Variants in CFAP299 observed in about 807,000 individuals in gnomAD.
CFAP299 encodes the protein cilia and flagella associated protein 299.
CFAP299 carries 21 observed loss-of-function variants against 27.0 expected under a neutral mutation model. The observed-to-expected ratio is 0.78, with a 90% CI of 0.55 to 1.12. The LOEUF (loss-of-function observed/expected upper bound fraction) is 1.12, where lower values mean the gene tolerates loss of function less well. Ranked by LOEUF, CFAP299 falls within the 50% of genes most tolerant of loss-of-function variation. The pLI is 0.00. For synonymous variants in CFAP299, 104 were observed against 98.1 expected, an observed-to-expected ratio of 1.06 and a Z score of -0.36; for missense variants, 310 against 276.6, an observed-to-expected ratio of 1.12 and a Z score of -0.86.
At chr4:80,493,511 C>T (rs1444080792) in intron 2 of CFAP299, among the ~76,000 whole-genome samples, 1 of 151,990 alleles carries the variant, frequency 6.6e-6, no homozygotes, top group Admixed American at 6.6e-5. Flanking sequence ...AGCAGGTGAT[C>T]AGAATGAGTT....
rs564605970 is a variant in CFAP299 at position 80,343,758 on chromosome 4, C to T, written c.111+7879C>T. ...GAGCCGAGATTGCGCCACTGCAGTCCGCAGTCCGGTCCGGCCTGGGCGACA... is the reference window on the plus strand; with the variant it reads ...GAGCCGAGATTGCGCCACTGCAGTCTGCAGTCCGGTCCGGCCTGGGCGACA... On this transcript the variant is annotated intron_variant, in intron 1 of 5. Transcript: ENST00000358105. Among the ~76,000 whole-genome samples, 86 of 143,416 alleles carry T rather than the reference C, an allele frequency of 6.0e-4. 1 individual carries two copies. The highest frequency in any genetic ancestry group is 7.9e-3 in the Middle Eastern group (2 of 254). 94.1% of individuals were successfully genotyped at this position (143,416 alleles called of 152,430 possible). A position where few individuals can be genotyped will look rare whatever the true frequency, so the allele number is the denominator to read the frequency against.
chr4:80,913,668 G>C (rs999510315), intron 4 of CFAP299, among the ~76,000 whole-genome samples: 3 of 152,168 alleles, frequency 2.0e-5, no homozygotes, highest in African/African-American at 7.2e-5. Context: ...AATTTGGCAT[G>C]CAGTTTCTTT....
intron 3 of CFAP299, among the ~76,000 whole-genome samples, chr4:80,614,552 G>A (rs557786819): frequency 4.6e-5 from 7 of 152,222 alleles, no homozygotes; most frequent in African/African-American, 1.4e-4. Flanking sequence ...CATGTGCGGC[G>A]GGTGTAGTCA....
At chr4:80,490,955 T>TA (rs1303059199) in intron 2 of CFAP299, among the ~76,000 whole-genome samples, 1 of 150,070 alleles carries the variant, frequency 6.7e-6, no homozygotes, top group Non-Finnish European at 1.5e-5. Context: ...CCATCTTACT[T>TA]ACCTCTCCAT....
intron 2 of CFAP299, among the ~76,000 whole-genome samples, chr4:80,447,280 C>T (rs1329338158): frequency 1.4e-5 from 2 of 146,368 alleles, no homozygotes; most frequent in Admixed American, 1.4e-4. Flanking sequence ...GGACTACAGG[C>T]GCCCGCCACT....
intron 3 of CFAP299, among the ~76,000 whole-genome samples, chr4:80,774,522 G>C (rs1005950017): frequency 2.6e-5 from 4 of 151,866 alleles, no homozygotes; most frequent in African/African-American, 9.6e-5. Flanking sequence ...TTTGGACAAA[G>C]ACCTTAAACA....
intron 4 of CFAP299, among the ~76,000 whole-genome samples, chr4:80,905,675 C>T (rs1377680748): frequency 6.6e-6 from 1 of 152,098 alleles, no homozygotes; most frequent in Non-Finnish European, 1.5e-5. Flanking sequence ...GGGAAGCAAA[C>T]ATGTCCTTCT....
chr4:80,357,474 T>C (rs896783996), intron 1 of CFAP299, among the ~76,000 whole-genome samples: 7 of 152,178 alleles, frequency 4.6e-5, no homozygotes, highest in African/African-American at 1.7e-4. Flanking sequence ...TCCTGGGCTT[T>C]TTTGGTTGGT....
chr4:80,701,442 G>C (rs1047037284), intron 3 of CFAP299, among the ~76,000 whole-genome samples: 5 of 152,032 alleles, frequency 3.3e-5, no homozygotes, highest in African/African-American at 1.2e-4. Flanking sequence ...AAAGTGCTAA[G>C]ACTCTTTTGG....
At chr4:80,562,763 T>TA (rs973607204) in intron 2 of CFAP299, among the ~76,000 whole-genome samples, 1 of 151,210 alleles carries the variant, frequency 6.6e-6, no homozygotes, top group African/African-American at 2.4e-5. Flanking sequence ...ATGAATGGAT[T>TA]AAAAAATCCA....
intron 4 of CFAP299, among the ~76,000 whole-genome samples, chr4:80,925,547 C>T (rs1578243102): frequency 6.6e-6 from 1 of 151,858 alleles, no homozygotes; most frequent in Non-Finnish European, 1.5e-5. Flanking sequence ...AATATTTCCT[C>T]TTAAAAGTGA....
chr4:80,376,908 G>A (rs143298210), intron 2 of CFAP299, among the ~76,000 whole-genome samples: 1 of 152,220 alleles, frequency 6.6e-6, no homozygotes, highest in East Asian at 1.9e-4. Flanking sequence ...ACCCACCTCG[G>A]CCTCCCAAAG....
At chr4:80,448,738 C>T (rs1335143675) in intron 2 of CFAP299, among the ~76,000 whole-genome samples, 1 of 151,930 alleles carries the variant, frequency 6.6e-6, no homozygotes, top group African/African-American at 2.4e-5. Context: ...AACTCAATTT[C>T]AACAGGTATA....
At chr4:80,388,523 A>G in intron 2 of CFAP299, 1 of 1,439,170 alleles carries the variant, frequency 6.9e-7, no homozygotes, top group South Asian at 1.2e-5. Context: ...AAACACTGGC[A>G]GCGAGTTGAA....
At chr4:80,768,713 A>G (rs189611359) in intron 3 of CFAP299, among the ~76,000 whole-genome samples, 187 of 152,240 alleles carry the variant, frequency 1.2e-3, no homozygotes, top group African/African-American at 4.3e-3. Context: ...CCTTTTGATG[A>G]TCTATTTCAA....
At chr4:80,778,213 G>A (rs1726662696) in intron 3 of CFAP299, among the ~76,000 whole-genome samples, 2 of 152,002 alleles carry the variant, frequency 1.3e-5, no homozygotes, top group African/African-American at 4.8e-5. Context: ...CTATAGACTG[G>A]TTCAAGACTT....
chr4:80,440,709 T>C (rs1406904227), intron 2 of CFAP299, among the ~76,000 whole-genome samples: 1 of 152,022 alleles, frequency 6.6e-6, no homozygotes, highest in Non-Finnish European at 1.5e-5. Flanking sequence ...AAGAATGAAT[T>C]TGATGAATAG....
At chr4:80,498,412 A>G (rs914223729) in intron 2 of CFAP299, among the ~76,000 whole-genome samples, 29 of 151,982 alleles carry the variant, frequency 1.9e-4, no homozygotes, top group Non-Finnish European at 7.4e-5. Context: ...AAAAAAGAAT[A>G]GTATTAAAAA....
chr4:80,648,950 GGACAACATCAAATT>G (rs1250321698), intron 3 of CFAP299: 1 of 152,096 alleles, frequency 6.6e-6, no homozygotes, highest in Non-Finnish European at 1.5e-5. Flanking sequence ...AAACAACAGT[GGACAACATCAAATT>G]GACACCAAGG....
Sources: gnomAD v4.1 joint callset for allele counts (sites outside exome capture counted in the v4.1 genomes callset) on GRCh38, gnomAD v4.1.1 for gene constraint, MANE v1.5 for transcripts, NCBI Gene and HGNC (gene_info 2026-07-23, HGNC 2026-07-21) for gene names.